Variants in BORA observed in about 807,000 individuals in gnomAD.
BORA encodes protein aurora borealis.
BORA carries 26 observed loss-of-function variants against 55.8 expected under a neutral mutation model. The observed-to-expected ratio is 0.47, with a 90% CI of 0.34 to 0.65. The LOEUF is 0.65. Among genes scored for constraint, BORA ranks in the 30% least tolerant of loss-of-function variants. BORA has a pLI of 0.01. For missense variants in BORA, 568 were observed against 671.5 expected, an observed-to-expected ratio of 0.85 and a Z score of 1.70; for synonymous variants, 201 against 216.9, an observed-to-expected ratio of 0.93 and a Z score of 0.64.
At chr13:72,750,348 AAAGAAG>A (rs1207898451) in intron 10 of BORA, among the ~76,000 whole-genome samples, 1 of 152,238 alleles carries the variant, frequency 6.6e-6, no homozygotes, top group Non-Finnish European at 1.5e-5. Flanking sequence ...AAGGAAGGTT[AAAGAAG>A]AAGTAATGAA....
chr13:72,732,337 T>C (rs764656319), intron 3 of BORA, among the ~76,000 whole-genome samples: 57 of 152,262 alleles, frequency 3.7e-4, no homozygotes, highest in Non-Finnish European at 5.9e-4. Context: ...AGGAAGGGAA[T>C]AGAATGAGGA....
chr13:72,729,205 C>G (rs2032755977), intron 2 of BORA, 112 bp downstream of exon 2: 2 of 864,684 alleles, frequency 2.3e-6, no homozygotes, highest in Non-Finnish European at 1.7e-6. Flanking sequence ...CATTATGGAG[C>G]ATATATAGCT....
intron 11 of BORA, 138 bp from the exon 12 acceptor site, chr13:72,755,013 T>C (rs773869252): frequency 2.3e-5 from 15 of 644,672 alleles, no homozygotes; most frequent in African/African-American, 5.5e-5. Context: ...TATTGATTTA[T>C]AAAATACTGT....
chr13:72,752,565 TAGAA>T (rs1341735214), intron 10 of BORA: 2 of 152,222 alleles, frequency 1.3e-5, no homozygotes, highest in African/African-American at 4.8e-5. Context: ...TGATGAATAT[TAGAA>T]GGAAGAGCTA....
At chr13:72,744,158 G>A (rs181743032) in intron 6 of BORA, among the ~76,000 whole-genome samples, 94 of 152,148 alleles carry the variant, frequency 6.2e-4, no homozygotes, top group Non-Finnish European at 1.2e-3. Flanking sequence ...TTGTTTTCTT[G>A]TTCAAAGCAT....
rs201688391 is a variant in BORA at position 72,755,225 on chromosome 13, T to C, written c.*9T>C. 35 of 1,602,926 alleles carry C rather than the reference T, an allele frequency of 2.2e-5. No individual in the cohort carries two copies. The highest frequency in any genetic ancestry group is 2.8e-5 in the Non-Finnish European group (33 of 1,170,372). On this transcript the variant is annotated 3_prime_UTR_variant, in exon 12 of 12. Coordinates refer to ENST00000390667, the MANE Select transcript of BORA (RefSeq NM_024808.5). ...AATGCAGCAGTCCATAGAATGCCTC[T>C]GTCAGAATCAAAGACTAAGCTTAAG...
In BORA at chr13:72,755,972, G is replaced by A. The variant is rs2033454852; in HGVS notation, c.*756G>A. 3 of 398,484 alleles carry A rather than the reference G, an allele frequency of 7.5e-6. No individual in the cohort carries two copies. Among genetic ancestry groups the A allele is most frequent in the Non-Finnish European group, 8.8e-6 (2 of 226,086 alleles). 24.7% of individuals were successfully genotyped at this position (398,484 alleles called of 1,614,324 possible). On this transcript the variant is annotated 3_prime_UTR_variant, in exon 12 of 12. Coordinates refer to ENST00000390667, the MANE Select transcript of BORA (RefSeq NM_024808.5). The stretch of plus-strand genomic sequence containing the variant: ...GTGGGAGAACCAAGAGAAAAAGTGG[G>A]GCTGGGAGAGTGGAGTTCCCGTAGG...
rs185339074 is a variant in BORA at position 72,735,016 on chromosome 13, C to T, written c.306+11C>T. On this transcript the variant is annotated intron_variant, in intron 4 of 11. Coordinates refer to ENST00000390667, the MANE Select transcript of BORA (RefSeq NM_024808.5). The stretch of plus-strand genomic sequence containing the variant: ...AAAGCCATTGAAGAGGTAACTTAAA[C>T]TGTTACTGATCATTAAATCAGTTAA... The T allele has an allele frequency of 7.0e-6, 11 of 1,579,416 alleles. No homozygotes were observed. In the East Asian group the frequency reaches 2.5e-4, roughly 35 times the overall value.
chr13:72,735,376 A>AGG (rs2032899419), intron 4 of BORA, among the ~76,000 whole-genome samples: 1 of 152,150 alleles, frequency 6.6e-6, no homozygotes, highest in Non-Finnish European at 1.5e-5. Flanking sequence ...GTTTATGTAG[A>AGG]GGAAGTCGAA....
At chr13:72,751,614 G>T (rs2033276011) in intron 10 of BORA, among the ~76,000 whole-genome samples, 1 of 152,152 alleles carries the variant, frequency 6.6e-6, no homozygotes, top group South Asian at 2.1e-4. Context: ...CAGGGATAGG[G>T]AGAGGTTGGT....
In BORA at chr13:72,744,991, T is replaced by C; in HGVS notation, c.522T>C (p.Phe174=). The C allele has an allele frequency of 1.9e-6, 3 of 1,613,828 alleles. No individual in the cohort carries two copies. The highest frequency in any genetic ancestry group is 2.5e-6 in the Non-Finnish European group (3 of 1,179,808). The change falls in exon 8 of 12, where the codon TTT becomes TTC. Residue 174 remains phenylalanine (F), a synonymous_variant. Coordinates refer to ENST00000390667, the MANE Select transcript of BORA (RefSeq NM_024808.5). The part of the protein sequence containing the change: ...FNLENILGDY[F]RADEFADQSP... ...TATTATTAAATATAGGTGACTATTT[T>C]AGAGCTGATGAATTTGCAGATCAAT...
At position 72,746,697 on chromosome 13, in the gene BORA, G is replaced by T; in HGVS notation, c.1068G>T (p.Glu356Asp). 6.2e-7 allele frequency: 1 copy of T among 1,614,088 alleles called. No individual in the cohort carries two copies. The highest frequency in any genetic ancestry group is 1.1e-5 in the South Asian group (1 of 91,072). Reference sequence around the variant, plus strand: ...TGATTCAGATACCTTTTACTCTTGAGACTCAAGGTGAAGATGAGGAAGATA... The same window carrying T: ...TGATTCAGATACCTTTTACTCTTGATACTCAAGGTGAAGATGAGGAAGATA... The part of the protein sequence containing the change: ...TSVIQIPFTL[E>D]TQGEDEEDKE... The change falls in exon 10 of 12, where the codon GAG becomes GAT. Residue 356 changes from glutamate (E) to aspartate (D), a missense_variant. Transcript: ENST00000390667.
At chr13:72,752,696 A>C (rs943089514) in intron 10 of BORA, 10 of 152,218 alleles carry the variant, frequency 6.6e-5, no homozygotes, top group Admixed American at 5.2e-4. Context: ...TTTTGTTCTA[A>C]TTGGAACATG....
At position 72,755,249 on chromosome 13, in the gene BORA, A is replaced by C; in HGVS notation, c.*33A>C. 1 of 1,559,624 alleles carries C rather than the reference A, an allele frequency of 6.4e-7. No individual in the cohort carries two copies. The highest frequency in any genetic ancestry group is 8.8e-7 in the Non-Finnish European group (1 of 1,132,026). On this transcript the variant is annotated 3_prime_UTR_variant, in exon 12 of 12. Transcript: ENST00000390667. ...CTGTCAGAATCAAAGACTAAGCTTA[A>C]GAGTTCCTCGCATATATCGTTGTGC...
chr13:72,746,132 T>C (rs1278191954), intron 9 of BORA, 56 bp downstream of exon 9: 3 of 1,442,270 alleles, frequency 2.1e-6, no homozygotes, highest in Non-Finnish European at 2.9e-6. Flanking sequence ...ATATTTGTTA[T>C]TAGAGAGGTT....
Position 72,746,596 on chromosome 13 carries a change from G to T in BORA, c.967G>T (p.Gly323Cys). The change falls in exon 10 of 12, where the codon GGC becomes TGC. Residue 323 changes from glycine to cysteine, a missense_variant. Gly to Cys is a radical substitution (Grantham distance 159, BLOSUM62 -3). Transcript: ENST00000390667. Reference sequence around the variant, plus strand: ...GTGTATCAGAAGTCCTTATATAGATGGCTGCTCGCCAATTAAAAATTGGTC... The same window carrying T: ...GTGTATCAGAAGTCCTTATATAGATTGCTGCTCGCCAATTAAAAATTGGTC... Reference protein sequence around the residue: ...NPCIRSPYIDGCSPIKNWSPM... With the variant: ...NPCIRSPYIDCCSPIKNWSPM... 6.2e-7 allele frequency: 1 copy of T among 1,614,038 alleles called. No homozygotes were observed. Among genetic ancestry groups the T allele is most frequent in the East Asian group, 2.2e-5 (1 of 44,872 alleles).
chr13:72,749,513 T>C (rs1393298578), intron 10 of BORA, among the ~76,000 whole-genome samples: 1 of 152,114 alleles, frequency 6.6e-6, no homozygotes, highest in East Asian at 1.9e-4. Flanking sequence ...AAAATCTTTT[T>C]TTTTTTAAAT....
intron 11 of BORA, chr13:72,754,928 A>G (rs947844881): frequency 4.5e-6 from 2 of 445,854 alleles, no homozygotes; most frequent in African/African-American, 4.0e-5. Context: ...TGCCAGGGCT[A>G]GTCCCAAACT....
chr13:72,746,794 A>G lies in BORA; in HGVS notation c.1165A>G (p.Ser389Gly), dbSNP rs1031801942. The G allele has an allele frequency of 5.6e-6, 9 of 1,614,052 alleles. No homozygotes were observed. Among genetic ancestry groups the G allele is most frequent in the Non-Finnish European group, 7.6e-6 (9 of 1,180,008 alleles). ...DAAGIHLRQFSNEASTHGTHL... is the reference protein window; with the variant it reads ...DAAGIHLRQFGNEASTHGTHL... Reference sequence around the variant, plus strand: ...TGCTGGAATACACCTACGGCAGTTTAGTAATGAGGCTTCTACCCATGGTAC... The same window carrying G: ...TGCTGGAATACACCTACGGCAGTTTGGTAATGAGGCTTCTACCCATGGTAC... The change falls in exon 10 of 12, where the codon AGT (serine) becomes GGT (glycine). Residue 389 changes from serine to glycine, a missense_variant. Ser to Gly is a moderately conservative substitution (Grantham distance 56). Coordinates refer to ENST00000390667, the MANE Select transcript of BORA (RefSeq NM_024808.5).
Sources: gnomAD v4.1 joint callset for allele counts (sites outside exome capture counted in the v4.1 genomes callset) on GRCh38, gnomAD v4.1.1 for gene constraint, MANE v1.5 for transcripts, NCBI Gene and HGNC (gene_info 2026-07-23, HGNC 2026-07-21) for gene names.